Variants in RBFOX1 observed in about 807,000 individuals in gnomAD.
RBFOX1 encodes RNA binding fox-1 homolog 1, also known as RNA binding protein fox-1 homolog 1.
RBFOX1 carries 8 observed loss-of-function variants against 57.7 expected under a neutral mutation model. The ratio of observed to expected loss-of-function variants is 0.14; its 90% CI spans 0.08 to 0.25. The LOEUF (loss-of-function observed/expected upper bound fraction) is 0.25. Among genes scored for constraint, RBFOX1 ranks in the 10% least tolerant of loss-of-function variants. The probability of loss-of-function intolerance (pLI) is 1.00; values close to 1 mark genes in which losing one functional copy is unlikely to be tolerated. For synonymous variants in RBFOX1, 326 were observed against 222.4 expected (o/e 1.47, Z -4.15); for missense variants, 611 against 548.5 (o/e 1.11, Z -1.14).
rs764955488 is a variant in RBFOX1 at position 7,710,788 on chromosome 16, G to C, written c.*43G>C. The C allele has an allele frequency of 2.0e-6, 3 of 1,468,632 alleles. No individual in the cohort carries two copies. Among genetic ancestry groups the C allele is most frequent in the African/African-American group, 1.5e-5 (1 of 68,538 alleles). 91.0% of individuals were successfully genotyped at this position (1,468,632 alleles called of 1,614,324 possible). A position where few individuals can be genotyped will look rare whatever the true frequency, so the allele number is the denominator to read the frequency against. On this transcript the variant is annotated 3_prime_UTR_variant, in exon 16 of 16. Coordinates refer to ENST00000550418, the MANE Select transcript of RBFOX1 (RefSeq NM_018723.4). ...ACCTTCCAATGTGGGGAGAAAGGAA[G>C]CTTTCCGAGGCCTGAGTATTGCAAT... is the stretch of plus-strand genomic sequence containing the variant.
rs57603257 is a variant in RBFOX1 at position 6,965,315 on chromosome 16, T to TTGTGTGTG, written c.-15-86704_-15-86697dup. Among the ~76,000 whole-genome samples, 312 of 147,524 alleles carry TTGTGTGTG rather than the reference T, an allele frequency of 2.1e-3. 1 individual carries two copies. Among genetic ancestry groups the TTGTGTGTG allele is most frequent in the Non-Finnish European group, 2.7e-3 (183 of 66,920 alleles). ...CAAATCCAATTTCCTTTTTCTTTTG[T>TTGTGTGTG]TGTGTGTGTGTGTGTGTGTGTGTGT... is the stretch of plus-strand genomic sequence containing the variant. On this transcript the variant is annotated intron_variant, in intron 3 of 15. Coordinates refer to ENST00000550418, the MANE Select transcript of RBFOX1 (RefSeq NM_018723.4).
At chr16:7,033,825 C>G (rs1444105283) in intron 3 of RBFOX1, among the ~76,000 whole-genome samples, 1 of 152,042 alleles carries the variant, frequency 6.6e-6, no homozygotes. Flanking sequence ...ACAAATTAGC[C>G]CACTAGAGTG....
At chr16:5,899,007 G>A (rs2058237876) in intron 4 of RBFOX1, among the ~76,000 whole-genome samples, 1 of 151,784 alleles carries the variant, frequency 6.6e-6, no homozygotes, top group Non-Finnish European at 1.5e-5. Flanking sequence ...AGACTGCAGT[G>A]AGCCTTGGTT....
chr16:7,222,216 G>T (rs2092782670), intron 4 of RBFOX1, among the ~76,000 whole-genome samples: 1 of 152,186 alleles, frequency 6.6e-6, no homozygotes, highest in Non-Finnish European at 1.5e-5. Context: ...GGTTCACAAA[G>T]GGCCTTGCAT....
At chr16:6,155,945 T>C (rs1297011636) in intron 1 of RBFOX1, among the ~76,000 whole-genome samples, 2 of 152,202 alleles carry the variant, frequency 1.3e-5, no homozygotes, top group Non-Finnish European at 2.9e-5. Flanking sequence ...CTCTGATAAG[T>C]GCTTAACCTG....
At chr16:6,542,731 A>G (rs1341931605) in intron 2 of RBFOX1, among the ~76,000 whole-genome samples, 2 of 148,260 alleles carry the variant, frequency 1.3e-5, no homozygotes, top group Non-Finnish European at 3.0e-5. Context: ...TGACCTCGTG[A>G]TCTGCCTGCC....
chr16:6,866,832 G>T (rs1424841362), intron 3 of RBFOX1, among the ~76,000 whole-genome samples: 1 of 151,832 alleles, frequency 6.6e-6, no homozygotes, highest in Non-Finnish European at 1.5e-5. Context: ...AGGAGCCACC[G>T]CGCCCAGCTA....
At chr16:6,766,626 T>G (rs1010245185) in intron 3 of RBFOX1, among the ~76,000 whole-genome samples, 4 of 151,984 alleles carry the variant, frequency 2.6e-5, no homozygotes, top group African/African-American at 9.7e-5. Flanking sequence ...GTCAAGCTAG[T>G]GCTACCAAGG....
intron 4 of RBFOX1, among the ~76,000 whole-genome samples, chr16:7,069,027 A>T (rs1325500625): frequency 6.6e-6 from 1 of 152,258 alleles, no homozygotes; most frequent in African/African-American, 2.4e-5. Flanking sequence ...AGTAAAACAC[A>T]TGAATGAATG....
At chr16:5,722,825 T>A (rs1157007554) in intron 3 of RBFOX1, among the ~76,000 whole-genome samples, 2 of 152,210 alleles carry the variant, frequency 1.3e-5, no homozygotes, top group African/African-American at 4.8e-5. Context: ...CTGAGGAGTC[T>A]CCCAAGACCA....
At chr16:6,123,553 A>T (rs768534462) in intron 1 of RBFOX1, among the ~76,000 whole-genome samples, 1 of 152,212 alleles carries the variant, frequency 6.6e-6, no homozygotes, top group Non-Finnish European at 1.5e-5. Flanking sequence ...GTATGGGAAG[A>T]TGATAAAATT....
chr16:7,097,333 G>T (rs1415520099), intron 4 of RBFOX1, among the ~76,000 whole-genome samples: 1 of 152,090 alleles, frequency 6.6e-6, no homozygotes, highest in African/African-American at 2.4e-5. Flanking sequence ...CAGAGAGAGA[G>T]AGAGTTCTGA....
chr16:7,461,203 C>G (rs574612685), intron 4 of RBFOX1, among the ~76,000 whole-genome samples: 9 of 152,096 alleles, frequency 5.9e-5, no homozygotes, highest in South Asian at 4.2e-4. Flanking sequence ...CAGTCTCACC[C>G]TGTCCCCAGG....
At chr16:5,873,115 A>G (rs1597587923) in intron 4 of RBFOX1, among the ~76,000 whole-genome samples, 1 of 152,212 alleles carries the variant, frequency 6.6e-6, no homozygotes, top group Non-Finnish European at 1.5e-5. Flanking sequence ...ATGCCACTGC[A>G]TAGTCCAGCC....
intron 3 of RBFOX1, among the ~76,000 whole-genome samples, chr16:6,849,266 A>G (rs572400402): frequency 5.3e-5 from 8 of 152,176 alleles, no homozygotes; most frequent in East Asian, 1.9e-4. Context: ...CGTGGCACCT[A>G]AAAGTTAGCT....
chr16:6,562,751 A>G (rs1332374537), intron 2 of RBFOX1, among the ~76,000 whole-genome samples: 1 of 151,990 alleles, frequency 6.6e-6, no homozygotes, highest in Non-Finnish European at 1.5e-5. Context: ...ATTCTGCACA[A>G]GTTGCTTTTT....
At position 7,553,454 on chromosome 16, in the gene RBFOX1, C is replaced by T. The variant is rs544366741; in HGVS notation, c.271-26323C>T. On this transcript the variant is annotated intron_variant, in intron 5 of 15. Coordinates refer to ENST00000550418, the MANE Select transcript of RBFOX1 (RefSeq NM_018723.4). ...GGTGCCACACCCAGCCCAGTATCTACAATTTTAAAAGTGGTATACATAGCC... is the reference window on the plus strand; with the variant it reads ...GGTGCCACACCCAGCCCAGTATCTATAATTTTAAAAGTGGTATACATAGCC... 3.9e-5 allele frequency among the ~76,000 whole-genome samples: 6 copies of T among 152,312 alleles called. No individual in the cohort carries two copies. In the South Asian group the frequency reaches 1.2e-3, roughly 32 times the overall value.
intron 4 of RBFOX1, among the ~76,000 whole-genome samples, chr16:7,060,010 C>G (rs1316570920): frequency 6.6e-6 from 1 of 152,144 alleles, no homozygotes; most frequent in Non-Finnish European, 1.5e-5. Flanking sequence ...AAAAAGCCCT[C>G]AGAAATGTGG....
chr16:6,699,318 A>ATTTTTTTTTTTTTT (rs2061493788), intron 3 of RBFOX1, among the ~76,000 whole-genome samples: 1 of 150,346 alleles, frequency 6.7e-6, no homozygotes, highest in Non-Finnish European at 1.5e-5. Context: ...TTTTTTTTAA[A>ATTTTTTTTTTTTTT]GTGACTTTCA....
Sources: allele counts gnomAD v4.1 joint callset (sites outside exome capture counted in the v4.1 genomes callset), GRCh38; gene constraint gnomAD v4.1.1; transcripts MANE v1.5; gene names NCBI Gene and HGNC (gene_info 2026-07-23, HGNC 2026-07-21).